Variants in LDLRAP1 observed in about 807,000 individuals in gnomAD.
LDLRAP1 encodes low density lipoprotein receptor adaptor protein 1, also known as low density lipoprotein receptor adapter protein 1.
LDLRAP1 carries 30 observed loss-of-function variants against 37.8 expected under a neutral mutation model. The observed-to-expected ratio is 0.79, with a 90% confidence interval of 0.59 to 1.08. LDLRAP1 has a LOEUF of 1.08. LDLRAP1 is among the 50% of genes least tolerant of loss of function. LDLRAP1 has a pLI of 0.00. For missense variants in LDLRAP1, 375 were observed against 401.6 expected (o/e 0.93, Z 0.57); for synonymous variants, 156 against 169.8 (o/e 0.92, Z 0.63).
chr1:25,543,765 G>T lies in LDLRAP1; in HGVS notation c.67G>T (p.Gly23Trp), dbSNP rs546193771. Residue 23 changes from glycine (G) to tryptophan (W), a missense_variant, in exon 1 of 9, where the codon GGG (glycine) becomes TGG (tryptophan). Transcript: ENST00000374338. ...RSPSLAKQSWGGGGRHRKLPE... is the reference protein window; with the variant it reads ...RSPSLAKQSWWGGGRHRKLPE... ...CCCCAGCTTGGCCAAGCAGAGCTGG[G>T]GGGGCGGTGGCCGGCACCGCAGTGA... The T allele has an allele frequency of 2.5e-6, 3 of 1,209,860 alleles. No individual in the cohort carries two copies. The highest frequency in any genetic ancestry group is 3.4e-5 in the East Asian group (1 of 29,734). The allele number at this position is 1,209,860 out of a possible 1,614,324, so 74.9% of individuals were successfully genotyped here.
chr1:25,550,020 C>G (rs553206363), intron 1 of LDLRAP1: 1 of 152,502 alleles, frequency 6.6e-6, no homozygotes, highest in East Asian at 1.9e-4. Flanking sequence ...CCTGGGGAAG[C>G]AGACATGAAT....
chr1:25,543,606 G>C lies in LDLRAP1; in HGVS notation c.-93G>C. 1 of 902,070 alleles carries C rather than the reference G, an allele frequency of 1.1e-6. No individual in the cohort carries two copies. Among genetic ancestry groups the C allele is most frequent in the East Asian group, 3.8e-5 (1 of 26,548 alleles). 55.9% of individuals were successfully genotyped at this position (902,070 alleles called of 1,614,324 possible). A position where few individuals can be genotyped will look rare whatever the true frequency, so the allele number is the denominator to read the frequency against. On this transcript the variant is annotated 5_prime_UTR_variant, in exon 1 of 9. Transcript: ENST00000374338. ...CGGCGGAGCTGGCGCTGGGAGGGGAGGAGCGCGCAGCCCGCGCGCCGCAGG... is the reference window on the plus strand; with the variant it reads ...CGGCGGAGCTGGCGCTGGGAGGGGACGAGCGCGCAGCCCGCGCGCCGCAGG...
At chr1:25,578,250 T>G in the LDLRAP1 span, among the ~76,000 whole-genome samples, 1 of 152,184 alleles carries the variant, frequency 6.6e-6, no homozygotes, top group Non-Finnish European at 1.5e-5. Flanking sequence ...TAAAATTAGT[T>G]TTATACAGAA....
At chr1:25,569,683 C>T (rs1388920940), downstream of LDLRAP1, among the ~76,000 whole-genome samples, 1 of 152,228 alleles carries the variant, frequency 6.6e-6, no homozygotes, top group African/African-American at 2.4e-5. Flanking sequence ...AAATAGTTAG[C>T]AACCAGTGTT....
intron 4 of LDLRAP1, among the ~76,000 whole-genome samples, chr1:25,559,311 C>T (rs1016015894): frequency 2.0e-5 from 3 of 152,130 alleles, no homozygotes; most frequent in African/African-American, 7.2e-5. Flanking sequence ...GAGGCTTCCT[C>T]TGGGATGAGG....
rs1268674371 is a variant in LDLRAP1, at chr1:25,557,287, G to A, written c.459+20G>A. The stretch of plus-strand genomic sequence containing the variant: ...AAGATGGTCAGCGGGGAGGGCTGGG[G>A]CGGGGACAGGGTCCAGTGGCCTTGG... On this transcript the variant is annotated intron_variant, in intron 4 of 8. Coordinates refer to ENST00000374338, the MANE Select transcript of LDLRAP1 (RefSeq NM_015627.3). 3 of 1,586,722 alleles carry A rather than the reference G, an allele frequency of 1.9e-6. No homozygotes were observed. The highest frequency in any genetic ancestry group is 4.5e-5 in the East Asian group (2 of 44,768).
intron 4 of LDLRAP1, among the ~76,000 whole-genome samples, chr1:25,559,342 G>T (rs1344157858): frequency 6.6e-6 from 1 of 152,128 alleles, no homozygotes; most frequent in East Asian, 1.9e-4. Flanking sequence ...TAAGAGAGAG[G>T]TGCAGGCCCA....
chr1:25,579,092 G>A, the LDLRAP1 span, among the ~76,000 whole-genome samples: 1 of 152,130 alleles, frequency 6.6e-6, no homozygotes, highest in African/African-American at 2.4e-5. Flanking sequence ...GACTTGTAGC[G>A]CTTGTCGATT....
At chr1:25,549,261 G>A (rs966822884) in intron 1 of LDLRAP1, among the ~76,000 whole-genome samples, 4 of 152,200 alleles carry the variant, frequency 2.6e-5, no homozygotes, top group African/African-American at 9.6e-5. Context: ...CAGAGCTTGA[G>A]CCCTCTTCTG....
At chr1:25,580,937 T>C in the LDLRAP1 span, among the ~76,000 whole-genome samples, 2 of 152,196 alleles carry the variant, frequency 1.3e-5, no homozygotes, top group African/African-American at 4.8e-5. Flanking sequence ...CAGGACACCA[T>C]GAATCCCGGA....
chr1:25,583,052 A>G, the LDLRAP1 span, among the ~76,000 whole-genome samples: 1 of 151,350 alleles, frequency 6.6e-6, no homozygotes, highest in Non-Finnish European at 1.5e-5. Flanking sequence ...AGCTTGGGGG[A>G]CAGAGTGAGA....
chr1:25,589,819 C>T, the LDLRAP1 span, among the ~76,000 whole-genome samples: 10 of 152,176 alleles, frequency 6.6e-5, no homozygotes, highest in South Asian at 1.0e-3. Flanking sequence ...TACCCTCTTA[C>T]GGGCCGGGCG....
chr1:25,575,443 A>AAAAAC, the LDLRAP1 span, among the ~76,000 whole-genome samples: 2 of 151,210 alleles, frequency 1.3e-5, no homozygotes, highest in Admixed American at 6.6e-5. Flanking sequence ...AAAAAAAAAA[A>AAAAAC]AACCAGCTGT....
downstream of LDLRAP1, among the ~76,000 whole-genome samples, chr1:25,571,143 G>T (rs969783843): frequency 6.6e-6 from 1 of 152,208 alleles, no homozygotes; most frequent in Middle Eastern, 3.2e-3. Context: ...GACCTGGTGT[G>T]CCCTGCTCTG....
chr1:25,586,740 T>C, the LDLRAP1 span, among the ~76,000 whole-genome samples: 1 of 152,084 alleles, frequency 6.6e-6, no homozygotes, highest in Non-Finnish European at 1.5e-5. This position sits in a 1 kb window ranked among gnomAD's most constrained non-coding sequence, Gnocchi z 4.3. Flanking sequence ...CAGCTCACAC[T>C]CCAGGCCTGA....
intron 8 of LDLRAP1, among the ~76,000 whole-genome samples, 197 bp from the exon 9 acceptor site, chr1:25,566,651 G>A (rs947423328): frequency 1.3e-5 from 2 of 152,126 alleles, no homozygotes; most frequent in Non-Finnish European, 2.9e-5. Context: ...TGCACCGCTG[G>A]CTGCCCCTGA....
the LDLRAP1 span, among the ~76,000 whole-genome samples, chr1:25,585,332 T>G: frequency 3.8e-5 from 5 of 130,364 alleles, no homozygotes; most frequent in East Asian, 4.0e-4. Context: ...TTATTTTTTG[T>G]TTTTTTTTTT....
chr1:25,574,326 A>C, the LDLRAP1 span, among the ~76,000 whole-genome samples: 1 of 152,202 alleles, frequency 6.6e-6, no homozygotes, highest in Non-Finnish European at 1.5e-5. Flanking sequence ...GAGGACACGA[A>C]GGCTGCACAG....
chr1:25,554,030 TGTCGGCCGCCGCCATCAAGAG>T lies in LDLRAP1; in HGVS notation c.199_219del (p.Ser67_Arg73del). Reference sequence around the variant, plus strand: ...GTGGAGCAGCCCAAGGGTGAGGAGCTGTCGGCCGCCGCCATCAAGAGGATCGTGGCTACAGTGAGCACCCCA... The same window carrying T: ...GTGGAGCAGCCCAAGGGTGAGGAGCTGATCGTGGCTACAGTGAGCACCCCA... On this transcript the variant is annotated inframe_deletion, in exon 2 of 9. Transcript: ENST00000374338. This position sits in a 1 kb window ranked among gnomAD's most constrained non-coding sequence, Gnocchi z 5.4. 1 of 1,614,078 alleles carries T rather than the reference TGTCGGCCGCCGCCATCAAGAG, an allele frequency of 6.2e-7. No homozygotes were observed. Among genetic ancestry groups the T allele is most frequent in the Non-Finnish European group, 8.5e-7 (1 of 1,180,026 alleles).
Sources: gnomAD v4.1 joint callset for allele counts (sites outside exome capture counted in the v4.1 genomes callset) on GRCh38, gnomAD v4.1.1 for gene constraint, Gnocchi (gnomAD v3.1) non-coding constraint, MANE v1.5 for transcripts, NCBI Gene and HGNC (gene_info 2026-07-23, HGNC 2026-07-21) for gene names.